Variants in UBE4A observed in about 807,000 individuals in gnomAD.
UBE4A encodes the protein ubiquitin conjugation factor E4 A.
A neutral mutation model predicts 117.9 loss-of-function variants in UBE4A; 48 were observed. The ratio of observed to expected loss-of-function variants is 0.41; its 90% CI spans 0.32 to 0.52. The LOEUF is 0.52. Among genes scored for constraint, UBE4A ranks in the 20% least tolerant of loss-of-function variants. The pLI, the probability that UBE4A is intolerant of heterozygous loss-of-function variation, is 0.33. For synonymous variants in UBE4A, 407 were observed against 450.0 expected (o/e 0.90, Z 1.21); for missense variants, 1,067 against 1,296.3 (o/e 0.82, Z 2.72).
chr11:118,387,732 T>C (rs1948772555), intron 16 of UBE4A, among the ~76,000 whole-genome samples: 1 of 152,146 alleles, frequency 6.6e-6, no homozygotes, highest in African/African-American at 2.4e-5. Context: ...GTTACCATAG[T>C]TTAAGTATCA....
rs1385524094 is a variant in UBE4A, at chr11:118,397,594, T to G, written c.*1154T>G. 2 of 151,910 alleles carry G rather than the reference T, an allele frequency of 1.3e-5. No homozygotes were observed. Among genetic ancestry groups the G allele is most frequent in the East Asian group, 3.9e-4 (2 of 5,168 alleles). 9.4% of individuals were successfully genotyped at this position (151,910 alleles called of 1,614,324 possible). A position where few individuals can be genotyped will look rare whatever the true frequency, so the allele number is the denominator to read the frequency against. On this transcript the variant is annotated 3_prime_UTR_variant, in exon 20 of 20. Coordinates refer to ENST00000252108, the MANE Select transcript of UBE4A (RefSeq NM_001204077.2). The stretch of plus-strand genomic sequence containing the variant: ...TGTAGTTGGTAGGTGGACACCACTT[T>G]CATAAGTGAACTTGAGCTCACTACT...
intron 18 of UBE4A, among the ~76,000 whole-genome samples, chr11:118,392,427 C>T (rs1230810470): frequency 6.6e-6 from 1 of 152,254 alleles, no homozygotes; most frequent in Non-Finnish European, 1.5e-5. Context: ...GCATTTACAA[C>T]AGAACTGTTG....
intron 19 of UBE4A, among the ~76,000 whole-genome samples, chr11:118,395,888 A>G (rs780389300): frequency 2.6e-5 from 4 of 152,192 alleles, no homozygotes; most frequent in Non-Finnish European, 5.9e-5. Flanking sequence ...CAGCCTGGCC[A>G]ACATGGTGAA....
chr11:118,377,055 A>T (rs202224337), intron 10 of UBE4A, among the ~76,000 whole-genome samples: 1 of 148,890 alleles, frequency 6.7e-6, no homozygotes, highest in East Asian at 2.0e-4. Context: ...CCTGTTTCTT[A>T]AAAAAAAAAG....
intron 19 of UBE4A, 73 bp from the exon 20 acceptor site, chr11:118,396,241 G>A: frequency 6.5e-7 from 1 of 1,540,732 alleles, no homozygotes; most frequent in Non-Finnish European, 8.7e-7. Context: ...GCGACGCCCA[G>A]GTGTTCTGTT....
chr11:118,392,639 G>GTTT, intron 18 of UBE4A, 99 bp from the exon 19 acceptor site: 1 of 1,247,200 alleles, frequency 8.0e-7, no homozygotes, highest in Middle Eastern at 2.6e-4. Flanking sequence ...TTAATGACCT[G>GTTT]TTTTTTTATT....
intron 19 of UBE4A, among the ~76,000 whole-genome samples, chr11:118,395,695 GA>G (rs1419074475): frequency 1.3e-5 from 2 of 152,232 alleles, no homozygotes; most frequent in African/African-American, 2.4e-5. Context: ...CTGCCTTAGA[GA>G]AATCTAAAGG....
At chr11:118,376,901 A>AG (rs1948657364) in intron 10 of UBE4A, among the ~76,000 whole-genome samples, 1 of 152,188 alleles carries the variant, frequency 6.6e-6, no homozygotes, top group East Asian at 1.9e-4. Flanking sequence ...CAAAAAAAAA[A>AG]AATTAGCCAG....
At position 118,384,548 on chromosome 11, in the gene UBE4A, ACTACAAAGCAAATGG is replaced by A. The variant is rs1362269036; in HGVS notation, c.2198-81_2198-67del. 8.0e-5 allele frequency: 99 copies of A among 1,241,814 alleles called. No individual in the cohort carries two copies. The African/African-American group carries it at 1.2e-3, about 16-fold the overall frequency. 76.9% of individuals were successfully genotyped at this position (1,241,814 alleles called of 1,614,324 possible). A position where few individuals can be genotyped will look rare whatever the true frequency, so the allele number is the denominator to read the frequency against. ...GCCTTAACACACTCAAAAGCAAATG[ACTACAAAGCAAATGG>A]CTACACATAAGCATAAACTCTTCCT... On this transcript the variant is annotated intron_variant, in intron 13 of 19. Coordinates refer to ENST00000252108, the MANE Select transcript of UBE4A (RefSeq NM_001204077.2).
intron 12 of UBE4A, among the ~76,000 whole-genome samples, chr11:118,381,903 A>G (rs1321062385): frequency 1.3e-5 from 2 of 152,242 alleles, no homozygotes; most frequent in African/African-American, 4.8e-5. Flanking sequence ...AGTAAACTTA[A>G]GTCAATGTTA....
At position 118,382,612 on chromosome 11, in the gene UBE4A, C is replaced by A; in HGVS notation, c.2033C>A (p.Ala678Asp). The A allele has an allele frequency of 6.4e-7, 1 of 1,566,006 alleles. No individual in the cohort carries two copies. The highest frequency in any genetic ancestry group is 8.7e-7 in the Non-Finnish European group (1 of 1,149,994). Residue 678 changes from alanine to aspartate, a missense_variant, in exon 13 of 20, where the codon GCC (alanine) becomes GAC (aspartate). Ala to Asp is a moderately radical substitution (Grantham distance 126). Around this residue, in one of 3 missense-constraint regions of UBE4A, gnomAD observed 1,001 missense variants for 1,184.0 expected, o/e 0.85. Transcript: ENST00000252108. The part of the protein sequence containing the change: ...IERMKNPHLR[A>D]KLAEVLEAVM... ...AGAATGAAGAATCCCCACCTGAGGG[C>A]CAAACTAGCAGAGGTGTTGGAAGCA...
rs1446397612 is a variant in UBE4A, at chr11:118,368,656, C to T, written c.147C>T (p.Asp49=). 6.2e-7 allele frequency: 1 copy of T among 1,614,144 alleles called. No individual in the cohort carries two copies. The highest frequency in any genetic ancestry group is 1.7e-5 in the Admixed American group (1 of 60,026). ...QSDELPASPD[D]SDNSVSESLD... ...ATGAACTCCCAGCTAGCCCAGATGA[C>T]TCGGATAATAGCGTGTCAGAGAGCC... Residue 49 remains aspartate, a synonymous_variant, in exon 3 of 20, where the codon GAC becomes GAT. Transcript: ENST00000252108.
At position 118,364,968 on chromosome 11, in the gene UBE4A, G is replaced by T. The variant is rs376715899; in HGVS notation, c.-41-72G>T. 14 of 1,269,658 alleles carry T rather than the reference G, an allele frequency of 1.1e-5. No individual in the cohort carries two copies. The African/African-American group carries it at 2.0e-4, about 18-fold the overall frequency. 78.6% of individuals were successfully genotyped at this position (1,269,658 alleles called of 1,614,324 possible). On this transcript the variant is annotated intron_variant, in intron 1 of 19. Coordinates refer to ENST00000252108, the MANE Select transcript of UBE4A (RefSeq NM_001204077.2). ...GTATTGTATTTGAGAAATGGGAAAAGAAACAACCACAGGTATATTACAGCT... is the reference window on the plus strand; with the variant it reads ...GTATTGTATTTGAGAAATGGGAAAATAAACAACCACAGGTATATTACAGCT...
At chr11:118,385,217 C>A (rs1948745451) in intron 15 of UBE4A, among the ~76,000 whole-genome samples, 2 of 152,120 alleles carry the variant, frequency 1.3e-5, no homozygotes, top group Admixed American at 1.3e-4. Context: ...TGAAGCCAAA[C>A]TAAGTTGTAC....
At chr11:118,390,553 C>A in intron 17 of UBE4A, 104 bp from the exon 18 acceptor site, 1 of 777,800 alleles carries the variant, frequency 1.3e-6, no homozygotes, top group South Asian at 4.6e-5. Flanking sequence ...AAAGAATGTT[C>A]ATGGCTTTTA....
At chr11:118,377,987 C>T (rs1948668501) in intron 10 of UBE4A, among the ~76,000 whole-genome samples, 1 of 151,636 alleles carries the variant, frequency 6.6e-6, no homozygotes, top group Non-Finnish European at 1.5e-5. Flanking sequence ...GTGGCTCATG[C>T]CTATAATCCC....
chr11:118,368,975 A>G (rs1948587064), intron 3 of UBE4A, among the ~76,000 whole-genome samples, 171 bp downstream of exon 3: 1 of 152,228 alleles, frequency 6.6e-6, no homozygotes, highest in Non-Finnish European at 1.5e-5. Context: ...TAAAAACAGT[A>G]TTTAGATGCA....
At chr11:118,371,464 T>C in intron 4 of UBE4A, 50 bp from the exon 5 acceptor site, 2 of 1,561,020 alleles carry the variant, frequency 1.3e-6, no homozygotes, top group East Asian at 2.3e-5. Flanking sequence ...CTTAATGTTC[T>C]CAGATTAATT....
intron 5 of UBE4A, 121 bp from the exon 6 acceptor site, chr11:118,372,386 C>G (rs2134091752): frequency 8.0e-6 from 8 of 1,003,692 alleles, no homozygotes; most frequent in East Asian, 3.0e-5. Context: ...GAAGGAATCT[C>G]TAATTAATTT....
Sources: gnomAD v4.1 joint callset for allele counts (sites outside exome capture counted in the v4.1 genomes callset) on GRCh38, gnomAD v4.1.1 for gene constraint, gnomAD v4.1.1 regional missense constraint, MANE v1.5 for transcripts, NCBI Gene and HGNC (gene_info 2026-07-23, HGNC 2026-07-21) for gene names.